CAMTA1: variants seen among roughly 807,000 people sequenced by gnomAD.
The protein encoded by CAMTA1 is calmodulin binding transcription activator 1.
CAMTA1 carries 27 observed loss-of-function variants against 170.9 expected under a neutral mutation model. The ratio of observed to expected loss-of-function variants is 0.16; its 90% CI spans 0.12 to 0.22. The LOEUF (loss-of-function observed/expected upper bound fraction) is 0.22, where lower values mean the gene tolerates loss of function less well. CAMTA1 is among the 10% of genes least tolerant of loss of function. CAMTA1 has a pLI of 1.00. For synonymous variants in CAMTA1, 833 were observed against 891.5 expected, an observed-to-expected ratio of 0.93 and a Z score of 1.17; for missense variants, 1,619 against 2,217.2, an observed-to-expected ratio of 0.73 and a Z score of 5.42.
chr1:7,175,556 C>G (rs1650619989), intron 4 of CAMTA1, among the ~76,000 whole-genome samples: 1 of 152,266 alleles, frequency 6.6e-6, no homozygotes, highest in Non-Finnish European at 1.5e-5. Flanking sequence ...GGAATCCCAG[C>G]CTTTCCAAAT....
intron 4 of CAMTA1, among the ~76,000 whole-genome samples, chr1:7,167,067 T>TC (rs1305374553): frequency 6.6e-6 from 1 of 152,180 alleles, no homozygotes; most frequent in Admixed American, 6.5e-5. Context: ...TGCCTCGGCC[T>TC]CCCAAAGTGC....
rs1294631716 is a variant in CAMTA1 at position 7,251,022 on chromosome 1, G to A, written c.438+1396G>A. Among the ~76,000 whole-genome samples, 1 of 152,206 alleles carries A rather than the reference G, an allele frequency of 6.6e-6. No homozygotes were observed. Among genetic ancestry groups the A allele is most frequent in the Non-Finnish European group, 1.5e-5 (1 of 68,044 alleles). ...CCTCATCTCCTACGCTGGAGGGAGA[G>A]GTAGAGAGTGAGGCAAGGCTGGGTG... On this transcript the variant is annotated intron_variant, in intron 5 of 22. Coordinates refer to ENST00000303635, the MANE Select transcript of CAMTA1 (RefSeq NM_015215.4). This position sits in a 1 kb window ranked among gnomAD's most constrained non-coding sequence, Gnocchi z 5.1.
rs1300419680 is a variant in CAMTA1, at chr1:7,633,138, C to T, written c.511-7262C>T. The stretch of plus-strand genomic sequence containing the variant: ...TTGGAGGAAAGGCCCTCAGCTTGTC[C>T]CCCGTCCTCTCTTTGTCCCTGCAGT... On this transcript the variant is annotated intron_variant, in intron 6 of 22. Transcript: ENST00000303635. This position sits in a 1 kb window ranked among gnomAD's most constrained non-coding sequence, Gnocchi z 4.1. Among the ~76,000 whole-genome samples the T allele has an allele frequency of 6.6e-6, 1 of 152,210 alleles. No individual in the cohort carries two copies. The highest frequency in any genetic ancestry group is 1.5e-5 in the Non-Finnish European group (1 of 68,040).
At chr1:6,791,242 T>G (rs1290385599) in intron 1 of CAMTA1, among the ~76,000 whole-genome samples, 2 of 148,146 alleles carry the variant, frequency 1.4e-5, no homozygotes, top group African/African-American at 4.8e-5. Flanking sequence ...GTCATTATTA[T>G]AAAAAAGTGT....
At chr1:7,655,325 TAC>T (rs1427679706) in intron 7 of CAMTA1, among the ~76,000 whole-genome samples, 1 of 129,202 alleles carries the variant, frequency 7.7e-6, no homozygotes, top group East Asian at 2.5e-4. Context: ...TACACACCTA[TAC>T]ACACAAACCC....
At chr1:7,081,657 G>A (rs974247561) in intron 3 of CAMTA1, among the ~76,000 whole-genome samples, 10 of 152,314 alleles carry the variant, frequency 6.6e-5, no homozygotes, top group South Asian at 2.1e-4. Context: ...AATCCAAGCC[G>A]GCCATGACAG....
chr1:7,343,602 A>G (rs2083999538), intron 5 of CAMTA1, among the ~76,000 whole-genome samples: 2 of 152,266 alleles, frequency 1.3e-5, no homozygotes, highest in South Asian at 2.1e-4. Context: ...GACATTACCA[A>G]TTAACTGTGT....
intron 4 of CAMTA1, among the ~76,000 whole-genome samples, chr1:7,149,056 AATC>A (rs1384154774): frequency 1.5e-5 from 2 of 137,430 alleles, no homozygotes; most frequent in East Asian, 3.9e-4. Context: ...GTGTTTCCAC[AATC>A]ATCCACTCCC....
intron 4 of CAMTA1, among the ~76,000 whole-genome samples, chr1:7,119,596 A>G (rs1031718108): frequency 3.3e-5 from 5 of 152,132 alleles, no homozygotes; most frequent in Non-Finnish European, 7.4e-5. Flanking sequence ...TTACTCTGCG[A>G]TCTCTCTTCT....
At chr1:7,430,238 G>T (rs1350256148) in intron 5 of CAMTA1, among the ~76,000 whole-genome samples, 1 of 151,966 alleles carries the variant, frequency 6.6e-6, no homozygotes, top group Non-Finnish European at 1.5e-5. Flanking sequence ...TGATGATGAT[G>T]GTGGTGAATC....
intron 1 of CAMTA1, among the ~76,000 whole-genome samples, chr1:6,807,819 A>G (rs1280703245): frequency 6.6e-6 from 1 of 152,014 alleles, no homozygotes; most frequent in African/African-American, 2.4e-5. Context: ...CATTTTTCCT[A>G]GACTTTGAAA....
intron 5 of CAMTA1, among the ~76,000 whole-genome samples, chr1:7,391,328 A>AGTGTGTGTGTGTGTGTGTGTGTGTGT (rs35663101): frequency 2.3e-4 from 34 of 147,024 alleles, no homozygotes; most frequent in African/African-American, 8.1e-4. Flanking sequence ...CCCTTTACAC[A>AGTGTGTGTGTGTGTGTGTGTGTGTGT]GTGTGTGTGT....
At chr1:7,666,197 C>T (rs1256968968) in intron 9 of CAMTA1, among the ~76,000 whole-genome samples, 2 of 151,572 alleles carry the variant, frequency 1.3e-5, no homozygotes, top group Non-Finnish European at 1.5e-5. Flanking sequence ...AAAAAGTCAC[C>T]ATCATAGATC....
chr1:7,594,828 A>G (rs1366929616), intron 6 of CAMTA1, among the ~76,000 whole-genome samples: 5 of 152,346 alleles, frequency 3.3e-5, no homozygotes, highest in Admixed American at 2.6e-4. Context: ...CCAGCGGGGA[A>G]CAGGCGGGAT....
chr1:7,591,892 A>G (rs2095358140), intron 6 of CAMTA1, among the ~76,000 whole-genome samples: 1 of 151,966 alleles, frequency 6.6e-6, no homozygotes, highest in African/African-American at 2.4e-5. Flanking sequence ...TTGTTTGTTT[A>G]TTTATGTATT....
intron 19 of CAMTA1, 144 bp from the exon 20 acceptor site, chr1:7,751,055 C>G: frequency 1.3e-6 from 1 of 768,636 alleles, no homozygotes; most frequent in East Asian, 2.4e-5. Context: ...TCATTTGCCT[C>G]TTTTGTGATT....
At chr1:7,442,784 T>A (rs1261102277) in intron 5 of CAMTA1, among the ~76,000 whole-genome samples, 1 of 152,170 alleles carries the variant, frequency 6.6e-6, no homozygotes, top group African/African-American at 2.4e-5. Flanking sequence ...TTTATCTAGT[T>A]TACAAACATT....
At chr1:7,129,173 C>T (rs1645106483) in intron 4 of CAMTA1, among the ~76,000 whole-genome samples, 1 of 152,090 alleles carries the variant, frequency 6.6e-6, no homozygotes, top group South Asian at 2.1e-4. Context: ...TATAAGGTCA[C>T]TTGCCCAGGC....
chr1:6,833,894 C>T (rs1651654542), intron 3 of CAMTA1, among the ~76,000 whole-genome samples: 2 of 152,182 alleles, frequency 1.3e-5, no homozygotes, highest in South Asian at 2.1e-4. Context: ...TTCCACAGAG[C>T]CGCAGTTGAG....
Sources: allele counts gnomAD v4.1 joint callset (sites outside exome capture counted in the v4.1 genomes callset), GRCh38; gene constraint gnomAD v4.1.1; non-coding constraint Gnocchi (gnomAD v3.1); transcripts MANE v1.5; gene names NCBI Gene and HGNC (gene_info 2026-07-23, HGNC 2026-07-21).